The following TLL2 variants were observed in gnomAD, a reference collection of about 807,000 sequenced individuals.
TLL2 encodes tolloid-like protein 2.
In TLL2, 106 loss-of-function variants were observed where a neutral mutation model predicts 123.0. The observed-to-expected ratio is 0.86, with a 90% CI of 0.74 to 1.01. The LOEUF is 1.01. Ranked by LOEUF, TLL2 falls within the 50% of genes least tolerant of loss-of-function variation. The pLI, the probability that TLL2 is intolerant of heterozygous loss-of-function variation, is 0.00. For synonymous variants in TLL2, 494 were observed against 516.8 expected, an observed-to-expected ratio of 0.96 and a Z score of 0.60; for missense variants, 1,332 against 1,336.7, an observed-to-expected ratio of 1.00 and a Z score of 0.06.
chr10:96,498,052 C>T (rs1200033917), intron 1 of TLL2, among the ~76,000 whole-genome samples: 1 of 152,182 alleles, frequency 6.6e-6, no homozygotes, highest in East Asian at 1.9e-4. Context: ...GCTTCTTGGG[C>T]TCTAATTTTA....
intron 17 of TLL2, among the ~76,000 whole-genome samples, chr10:96,378,147 G>C (rs2134053728): frequency 1.3e-5 from 2 of 152,356 alleles, no homozygotes; most frequent in Middle Eastern, 6.8e-3. Flanking sequence ...TAACATTCTA[G>C]GCAGATCCTG....
intron 9 of TLL2, 84 bp from the exon 10 acceptor site, chr10:96,405,418 C>T (rs1457683959): frequency 9.4e-6 from 12 of 1,274,628 alleles, no homozygotes; most frequent in East Asian, 2.3e-5. Flanking sequence ...GGTGTTCTCA[C>T]GTTACCCTTT....
intron 2 of TLL2, among the ~76,000 whole-genome samples, chr10:96,473,715 C>A (rs1420951977): frequency 6.6e-6 from 1 of 152,178 alleles, no homozygotes; most frequent in African/African-American, 2.4e-5. Flanking sequence ...TAATTAAAAC[C>A]ATTTCCCCTT....
chr10:96,460,762 G>A (rs955039736), intron 2 of TLL2, among the ~76,000 whole-genome samples: 3 of 151,952 alleles, frequency 2.0e-5, no homozygotes, highest in Non-Finnish European at 2.9e-5. Flanking sequence ...TTCATAAATC[G>A]CCCAGTCTCA....
At chr10:96,437,277 G>A (rs1846806237) in intron 3 of TLL2, among the ~76,000 whole-genome samples, 1 of 152,092 alleles carries the variant, frequency 6.6e-6, no homozygotes, top group Non-Finnish European at 1.5e-5. Context: ...GAGATTTCAT[G>A]TACCTTCCTT....
intron 1 of TLL2, among the ~76,000 whole-genome samples, chr10:96,512,674 C>T (rs1261653792): frequency 6.6e-6 from 1 of 152,246 alleles, no homozygotes; most frequent in Non-Finnish European, 1.5e-5. Context: ...GCGTGAGCAC[C>T]CCTCTGTCCG....
rs1032027919 is a variant in TLL2 at position 96,366,928 on chromosome 10, C to T, written c.*1160G>A. ...GGTGCTAAAATTATGTAAACATCATCCTCTACACTTCTCTAGAACAAGTGC... is the reference window on the plus strand; with the variant it reads ...GGTGCTAAAATTATGTAAACATCATTCTCTACACTTCTCTAGAACAAGTGC... On this transcript the variant is annotated 3_prime_UTR_variant, in exon 21 of 21. Coordinates refer to ENST00000357947, the MANE Select transcript of TLL2 (RefSeq NM_012465.4). 2.6e-5 allele frequency: 4 copies of T among 152,646 alleles called. No individual in the cohort carries two copies. Among genetic ancestry groups the T allele is most frequent in the Non-Finnish European group, 5.9e-5 (4 of 68,042 alleles). 9.5% of individuals were successfully genotyped at this position (152,646 alleles called of 1,614,324 possible). A position where few individuals can be genotyped will look rare whatever the true frequency, so the allele number is the denominator to read the frequency against.
chr10:96,406,805 A>T lies in TLL2; in HGVS notation c.1165-1471T>A, dbSNP rs149932746. On this transcript the variant is annotated intron_variant, in intron 9 of 20. Transcript: ENST00000357947. ...TTTCCAGCCTCCTCCACTGTAGGAG[A>T]TGCCATTGCCCCGATGGTCAAGGAG... Among the ~76,000 whole-genome samples, 83 of 152,220 alleles carry T rather than the reference A, an allele frequency of 5.5e-4. No homozygotes were observed. In the East Asian group the frequency reaches 0.015, roughly 28 times the overall value.
chr10:96,502,001 TAA>T lies in TLL2; in HGVS notation c.175+11508_175+11509del, dbSNP rs372829808. ...CAGTAATAGACCCAGTTACAGATTGTAAAGAGTGCTTTTCAGAAAAACAAAGG... is the reference window on the plus strand; with the variant it reads ...CAGTAATAGACCCAGTTACAGATTGTAGAGTGCTTTTCAGAAAAACAAAGG... On this transcript the variant is annotated intron_variant, in intron 1 of 20. Coordinates refer to ENST00000357947, the MANE Select transcript of TLL2 (RefSeq NM_012465.4). Among the ~76,000 whole-genome samples, 327 of 152,278 alleles carry T rather than the reference TAA, an allele frequency of 2.1e-3. 1 individual carries two copies. The highest frequency in any genetic ancestry group is 5.4e-3 in the South Asian group (26 of 4,812).
intron 2 of TLL2, among the ~76,000 whole-genome samples, chr10:96,476,887 C>G (rs950389985): frequency 2.3e-5 from 3 of 132,388 alleles, no homozygotes; most frequent in East Asian, 3.1e-4. Context: ...CACACACACA[C>G]ACACACACAC....
chr10:96,397,288 CG>C lies in TLL2; in HGVS notation c.1281del (p.Asp428IlefsTer41). ...RKAPLLGRFC[G>X]DKIPEPLVST... ...GAGACGAGGGGCTCCGGGATCTTAT[CG>C]CCACAAAACCTGCCTGGAAAGTGGA... On this transcript the variant is annotated frameshift_variant, in exon 11 of 21. Coordinates refer to ENST00000357947, the MANE Select transcript of TLL2 (RefSeq NM_012465.4). LOFTEE classifies it high-confidence loss of function. 6.2e-7 allele frequency: 1 copy of C among 1,612,682 alleles called. No homozygotes were observed. Among genetic ancestry groups the C allele is most frequent in the Non-Finnish European group, 8.5e-7 (1 of 1,179,250 alleles).
intron 17 of TLL2, among the ~76,000 whole-genome samples, chr10:96,377,195 TA>T (rs1466823799): frequency 6.6e-6 from 1 of 152,210 alleles, no homozygotes; most frequent in Non-Finnish European, 1.5e-5. Context: ...TCCTTATTTG[TA>T]AAAGGGTGCC....
intron 1 of TLL2, among the ~76,000 whole-genome samples, chr10:96,500,357 G>A (rs978044707): frequency 3.9e-5 from 6 of 151,990 alleles, no homozygotes; most frequent in African/African-American, 1.5e-4. Flanking sequence ...ACTTTTGAAG[G>A]GTTGTTTGAA....
intron 9 of TLL2, among the ~76,000 whole-genome samples, chr10:96,408,782 G>A (rs1846474727): frequency 6.6e-6 from 1 of 152,192 alleles, no homozygotes; most frequent in Admixed American, 6.5e-5. Context: ...TGGCCCCTTT[G>A]TGTAATAATA....
At chr10:96,421,140 C>T in intron 6 of TLL2, 79 bp from the exon 7 acceptor site, 1 of 1,029,590 alleles carries the variant, frequency 9.7e-7, no homozygotes, top group Non-Finnish European at 1.5e-6. Flanking sequence ...AGAAGGAGGG[C>T]CCATAACAAC....
At chr10:96,433,943 T>G (rs536254507) in intron 3 of TLL2, among the ~76,000 whole-genome samples, 1 of 152,240 alleles carries the variant, frequency 6.6e-6, no homozygotes, top group East Asian at 1.9e-4. Flanking sequence ...GCCTGGCTAA[T>G]TTTTGTATTT....
chr10:96,497,387 G>A (rs1384207381), intron 1 of TLL2, among the ~76,000 whole-genome samples: 2 of 152,152 alleles, frequency 1.3e-5, no homozygotes, highest in East Asian at 1.9e-4. Context: ...TACGACTAAC[G>A]TTATACTTTG....
Position 96,397,210 on chromosome 10 carries a change from T to C in TLL2, c.1360A>G (p.Lys454Glu), listed in dbSNP as rs770351254. 7.4e-6 allele frequency: 12 copies of C among 1,613,718 alleles called. No homozygotes were observed. Among genetic ancestry groups the C allele is most frequent in the Admixed American group, 1.7e-5 (1 of 59,992 alleles). ...CCTTCGTACGCTGCAAAGAAGCCCTTGCCCAAGATGTTGCTGCTGCTGCGG... is the reference window on the plus strand; with the variant it reads ...CCTTCGTACGCTGCAAAGAAGCCCTCGCCCAAGATGTTGCTGCTGCTGCGG... ...EFRSSSNILG[K>E]GFFAAYEATC... The change falls in exon 11 of 21, where the codon AAG (lysine) becomes GAG (glutamate). Residue 454 changes from lysine (K) to glutamate (E), a missense_variant. Coordinates refer to ENST00000357947, the MANE Select transcript of TLL2 (RefSeq NM_012465.4).
intron 2 of TLL2, among the ~76,000 whole-genome samples, chr10:96,458,843 C>T (rs1847044947): frequency 6.6e-6 from 1 of 151,992 alleles, no homozygotes; most frequent in East Asian, 1.9e-4. Context: ...ACCTATAATT[C>T]CAGCACTTTG....
Sources: gnomAD v4.1 joint callset for allele counts (sites outside exome capture counted in the v4.1 genomes callset) on GRCh38, gnomAD v4.1.1 for gene constraint, MANE v1.5 for transcripts, NCBI Gene and HGNC (gene_info 2026-07-23, HGNC 2026-07-21) for gene names.